The following PTPN4 variants were observed in gnomAD, a reference collection of about 807,000 sequenced individuals.
PTPN4 encodes the protein protein tyrosine phosphatase non-receptor type 4, also known as tyrosine-protein phosphatase non-receptor type 4.
Under a neutral mutation model 135.5 loss-of-function variants are expected in PTPN4, and 49 were observed. That is an observed-to-expected ratio of 0.36 (90% confidence interval 0.29 to 0.46). The LOEUF (loss-of-function observed/expected upper bound fraction) is 0.46, where lower values mean the gene tolerates loss of function less well. PTPN4 is among the 20% of genes least tolerant of loss of function. The pLI, the probability that PTPN4 is intolerant of heterozygous loss-of-function variation, is 1.00. For missense variants in PTPN4, 860 were observed against 1,101.0 expected (o/e 0.78, Z 3.10); for synonymous variants, 333 against 369.9 (o/e 0.90, Z 1.14).
chr2:119,884,146 C>T (rs1678121023), intron 8 of PTPN4, among the ~76,000 whole-genome samples: 1 of 152,254 alleles, frequency 6.6e-6, no homozygotes, highest in Non-Finnish European at 1.5e-5. Context: ...GATCCGCCTG[C>T]CTTGGCCTCC....
At chr2:119,820,969 ATATT>A (rs1469594752) in intron 2 of PTPN4, among the ~76,000 whole-genome samples, 3 of 151,782 alleles carry the variant, frequency 2.0e-5, no homozygotes, top group East Asian at 1.9e-4. Context: ...ACTTTTGAAA[ATATT>A]TATCCTGAAA....
chr2:119,909,084 A>T (rs188973471), intron 10 of PTPN4, among the ~76,000 whole-genome samples: 4 of 152,314 alleles, frequency 2.6e-5, no homozygotes, highest in Admixed American at 2.0e-4. Flanking sequence ...ATCTCCATAC[A>T]TAAAAGTTCA....
At chr2:119,826,568 A>G (rs187325001) in intron 2 of PTPN4, among the ~76,000 whole-genome samples, 5 of 152,336 alleles carry the variant, frequency 3.3e-5, no homozygotes, top group African/African-American at 7.2e-5. Context: ...TCTAGTGGCT[A>G]GAAGCCAAGG....
chr2:119,820,588 G>A (rs1677051368), intron 2 of PTPN4, among the ~76,000 whole-genome samples: 1 of 152,140 alleles, frequency 6.6e-6, no homozygotes, highest in African/African-American at 2.4e-5. Context: ...TGATGTTGAT[G>A]GATGTGCTCT....
chr2:119,871,092 TAA>T (rs937708516), intron 3 of PTPN4, among the ~76,000 whole-genome samples: 2 of 150,752 alleles, frequency 1.3e-5, no homozygotes, highest in Admixed American at 1.3e-4. Flanking sequence ...GAGTAACTAT[TAA>T]TAACAAACGT....
At chr2:119,841,699 T>C (rs1212968285) in intron 2 of PTPN4, among the ~76,000 whole-genome samples, 1 of 152,222 alleles carries the variant, frequency 6.6e-6, no homozygotes, top group Non-Finnish European at 1.5e-5. Context: ...TACCAGTTTA[T>C]GAATGTATCT....
At chr2:119,922,442 C>T (rs1678751924) in intron 12 of PTPN4, among the ~76,000 whole-genome samples, 1 of 152,112 alleles carries the variant, frequency 6.6e-6, no homozygotes, top group Non-Finnish European at 1.5e-5. Flanking sequence ...AAGAAATGAT[C>T]ATATTCAAAC....
intron 15 of PTPN4, among the ~76,000 whole-genome samples, chr2:119,941,412 A>AGTGTGTGTGT (rs3084705): frequency 2.1e-4 from 31 of 148,840 alleles, no homozygotes; most frequent in African/African-American, 4.4e-4. Context: ...TAGACTTCAG[A>AGTGTGTGTGT]GTGTGTGTGT....
At chr2:119,800,166 C>T (rs1327601222) in intron 1 of PTPN4, among the ~76,000 whole-genome samples, 1 of 152,094 alleles carries the variant, frequency 6.6e-6, no homozygotes, top group Non-Finnish European at 1.5e-5. Context: ...TTTAACATTC[C>T]TCTACCTCCC....
At chr2:119,849,278 T>C (rs1677555133) in intron 2 of PTPN4, among the ~76,000 whole-genome samples, 1 of 152,180 alleles carries the variant, frequency 6.6e-6, no homozygotes, top group Non-Finnish European at 1.5e-5. Context: ...GTGTTATGTT[T>C]TCGTTTAAAC....
chr2:119,791,100 G>T (rs908848965), intron 1 of PTPN4: 3 of 147,770 alleles, frequency 2.0e-5, no homozygotes, highest in Admixed American at 6.8e-5. Context: ...TATTTCTACC[G>T]TTGTTTACAT....
rs1432972387 is a variant in PTPN4 at position 119,839,317 on chromosome 2, A to G, written c.139-23219A>G. Among the ~76,000 whole-genome samples the G allele has an allele frequency of 1.3e-5, 2 of 152,196 alleles. 1 individual carries two copies. Among genetic ancestry groups the G allele is most frequent in the South Asian group, 4.1e-4 (2 of 4,832 alleles). On this transcript the variant is annotated intron_variant, in intron 2 of 26. Transcript: ENST00000263708. ...GTTTCTGACACATAGTAGATGCTCA[A>G]TATATATTTATTGCATTTCTTATAC...
intron 15 of PTPN4, among the ~76,000 whole-genome samples, chr2:119,937,429 A>G (rs1451942998): frequency 2.6e-5 from 4 of 152,224 alleles, no homozygotes; most frequent in Non-Finnish European, 1.5e-5. Context: ...ACTGTTTAGA[A>G]TAAAGTTACC....
At chr2:119,861,032 G>A (rs1189926291) in intron 2 of PTPN4, among the ~76,000 whole-genome samples, 2 of 149,162 alleles carry the variant, frequency 1.3e-5, no homozygotes, top group Non-Finnish European at 3.0e-5. Flanking sequence ...GGCAACAAGA[G>A]CGAAACTCCA....
At chr2:119,971,958 A>G (rs1286033847) in intron 26 of PTPN4, among the ~76,000 whole-genome samples, 1 of 152,214 alleles carries the variant, frequency 6.6e-6, no homozygotes, top group Non-Finnish European at 1.5e-5. Context: ...GCACAAATAT[A>G]AGAGTTTATT....
chr2:119,820,876 T>TACACAC (rs989388689), intron 2 of PTPN4, among the ~76,000 whole-genome samples: 1 of 131,880 alleles, frequency 7.6e-6, no homozygotes, highest in Non-Finnish European at 1.6e-5. Flanking sequence ...CAGCTTTACA[T>TACACAC]ACACACATGT....
rs141412806 is a variant in PTPN4 at position 119,960,946 on chromosome 2, G to T, written c.2273G>T (p.Arg758Leu). 1 of 1,611,568 alleles carries T rather than the reference G, an allele frequency of 6.2e-7. No homozygotes were observed. The change falls in exon 23 of 27, where the codon CGT becomes CTT. Residue 758 changes from arginine to leucine, a missense_variant. Coordinates refer to ENST00000263708, the MANE Select transcript of PTPN4 (RefSeq NM_002830.4). The stretch of plus-strand genomic sequence containing the variant: ...GTAATGTTGACCACACAAGTTGAAC[G>T]TGGCAGAGTAAGTCATAGTTGAATC... ...MVVMLTTQVE[R>L]GRVKCHQYWP... is the part of the protein sequence containing the mutation.
chr2:119,898,223 T>C (rs1378996117), intron 9 of PTPN4, among the ~76,000 whole-genome samples: 1 of 152,162 alleles, frequency 6.6e-6, no homozygotes, highest in Non-Finnish European at 1.5e-5. Context: ...GAGAGAAACA[T>C]GTAGATGTGG....
intron 15 of PTPN4, among the ~76,000 whole-genome samples, chr2:119,938,819 T>A (rs1207691639): frequency 6.9e-6 from 1 of 145,148 alleles, no homozygotes; most frequent in African/African-American, 2.5e-5. Flanking sequence ...TCTGAGAAAC[T>A]TTTTTTTTTT....
Sources: gnomAD v4.1 joint callset for allele counts (sites outside exome capture counted in the v4.1 genomes callset) on GRCh38, gnomAD v4.1.1 for gene constraint, MANE v1.5 for transcripts, NCBI Gene and HGNC (gene_info 2026-07-23, HGNC 2026-07-21) for gene names.